RNF128: variants seen among roughly 807,000 people sequenced by gnomAD.
RNF128 encodes E3 ubiquitin-protein ligase RNF128.
RNF128 carries 13 observed loss-of-function variants against 26.2 expected under a neutral mutation model. The observed-to-expected ratio is 0.50, with a 90% CI of 0.32 to 0.79. RNF128 has a LOEUF of 0.79. RNF128 is among the 30% of genes least tolerant of loss of function. The pLI is 0.03. For synonymous variants in RNF128, 149 were observed against 142.5 expected, an observed-to-expected ratio of 1.05 and a Z score of -0.32; for missense variants, 315 against 349.7, an observed-to-expected ratio of 0.90 and a Z score of 0.79.
At chrX:106,722,976 A>G (rs1929339993), upstream of RNF128, among the ~76,000 whole-genome samples, 1 of 111,098 alleles carries the variant, frequency 9.0e-6, no homozygotes, top group African/African-American at 3.3e-5. Context: ...ATAGTTCTGG[A>G]GATATTGGCC....
intron 1 of RNF128, among the ~76,000 whole-genome samples, chrX:106,755,396 C>G (rs1408531482): frequency 9.0e-6 from 1 of 110,583 alleles, no homozygotes; most frequent in African/African-American, 3.3e-5. Context: ...GAAATACTTC[C>G]AGACTCATTC....
At chrX:106,713,972 G>A (rs1222020265) in intron 1 of RNF128, among the ~76,000 whole-genome samples, 2 of 111,000 alleles carry the variant, frequency 1.8e-5, no homozygotes, top group East Asian at 2.8e-4. Context: ...TCAGGAGATC[G>A]AGACCATCCT....
chrX:106,727,528 G>A (rs1050259617), intron 1 of RNF128, 131 bp downstream of exon 1: 4 of 840,056 alleles, frequency 4.8e-6, no homozygotes, highest in Admixed American at 6.9e-5. Flanking sequence ...TCCCCACGGA[G>A]TGGGGCAGGG....
chrX:106,723,080 T>C (rs1457622339), upstream of RNF128, among the ~76,000 whole-genome samples: 1 of 111,678 alleles, frequency 9.0e-6, no homozygotes, highest in East Asian at 2.8e-4. Context: ...TTCGCTCCAT[T>C]GACTTCAATA....
chrX:106,755,763 G>A (rs191708833), intron 1 of RNF128, among the ~76,000 whole-genome samples: 1 of 110,621 alleles, frequency 9.0e-6, no homozygotes, highest in African/African-American at 3.3e-5. Context: ...GGAAATAAAG[G>A]GTATTCAATT....
At chrX:106,791,566 C>A (rs1277416860) in intron 6 of RNF128, among the ~76,000 whole-genome samples, 3 of 110,567 alleles carry the variant, frequency 2.7e-5, no homozygotes, top group Non-Finnish European at 1.9e-5. Flanking sequence ...TTGTTTATTG[C>A]AGATAAAGCA....
At chrX:106,739,105 C>A (rs12857597) in intron 1 of RNF128, among the ~76,000 whole-genome samples, 24,706 of 109,388 alleles carry the variant, frequency 0.23, 2,758 homozygotes, top group Non-Finnish European at 0.33. Context: ...CTCTTCTATT[C>A]TCTTCTCTTC....
chrX:106,792,810 A>T (rs769430717), intron 6 of RNF128, among the ~76,000 whole-genome samples: 1 of 111,583 alleles, frequency 9.0e-6, no homozygotes, highest in South Asian at 3.7e-4. Flanking sequence ...GTTCTTTTGG[A>T]TAAGAACAGT....
At chrX:106,749,475 G>C (rs763325537) in intron 1 of RNF128, among the ~76,000 whole-genome samples, 1 of 111,846 alleles carries the variant, frequency 8.9e-6, no homozygotes, top group South Asian at 3.7e-4. Flanking sequence ...ACACTAAAAG[G>C]GTTTCTTTCT....
intron 1 of RNF128, among the ~76,000 whole-genome samples, chrX:106,772,693 C>A (rs1333652752): frequency 9.0e-6 from 1 of 110,829 alleles, no homozygotes; most frequent in African/African-American, 3.3e-5. Flanking sequence ...TAATAGCTTC[C>A]TTACTAAGTT....
At chrX:106,708,573 GATT>G (rs1269141908) in intron 1 of RNF128, among the ~76,000 whole-genome samples, 2 of 112,067 alleles carry the variant, frequency 1.8e-5, no homozygotes, top group South Asian at 3.7e-4. Context: ...GGAGTGAGGA[GATT>G]ATTAAGTGCT....
At chrX:106,729,536 A>G (rs1569438036) in intron 1 of RNF128, among the ~76,000 whole-genome samples, 2 of 111,702 alleles carry the variant, frequency 1.8e-5, no homozygotes, top group Non-Finnish European at 3.8e-5. Flanking sequence ...ACATGAATAC[A>G]CTGAGAATCT....
intron 3 of RNF128, among the ~76,000 whole-genome samples, chrX:106,787,514 A>G (rs992047297): frequency 2.7e-5 from 3 of 111,173 alleles, no homozygotes; most frequent in African/African-American, 9.8e-5. Flanking sequence ...TGATTGTGAT[A>G]AGGATTAAGT....
chrX:106,707,397 A>G (rs1929060144), intron 1 of RNF128, among the ~76,000 whole-genome samples: 1 of 111,775 alleles, frequency 8.9e-6, no homozygotes, highest in African/African-American at 3.2e-5. Flanking sequence ...CCTGAGCAAT[A>G]TAGGACATAT....
intron 1 of RNF128, among the ~76,000 whole-genome samples, chrX:106,720,854 G>A (rs931886439): frequency 9.0e-6 from 1 of 111,522 alleles, no homozygotes; most frequent in African/African-American, 3.3e-5. Flanking sequence ...ATTAATATAT[G>A]TAAAGTACCT....
At chrX:106,694,192 A>G in exon 1 of RNF128, 9 of 1,207,421 alleles carry the variant, frequency 7.5e-6, no homozygotes, top group Non-Finnish European at 1.0e-5. Context: ...GGCTAATGCT[A>G]TGGGAGTGGT....
At chrX:106,754,553 C>A (rs912400405) in intron 1 of RNF128, among the ~76,000 whole-genome samples, 2 of 106,657 alleles carry the variant, frequency 1.9e-5, no homozygotes, top group Non-Finnish European at 3.8e-5. Context: ...AGCCAGCATG[C>A]CCAGCCAAAA....
chrX:106,700,788 T>C (rs772856226), intron 1 of RNF128, among the ~76,000 whole-genome samples: 20 of 112,188 alleles, frequency 1.8e-4, no homozygotes, highest in African/African-American at 5.8e-4. Flanking sequence ...GTTTTATTTT[T>C]AATATTAACA....
intron 1 of RNF128, among the ~76,000 whole-genome samples, chrX:106,710,635 T>C (rs1488606174): frequency 9.4e-6 from 1 of 106,840 alleles, no homozygotes; most frequent in African/African-American, 3.5e-5. Flanking sequence ...CAGGCGCCTG[T>C]AATCCCGTCT....
Sources: gnomAD v4.1 joint callset for allele counts (sites outside exome capture counted in the v4.1 genomes callset) on GRCh38, gnomAD v4.1.1 for gene constraint, MANE v1.5 for transcripts, NCBI Gene and HGNC (gene_info 2026-07-23, HGNC 2026-07-21) for gene names.